Variants in PRR16 observed in about 807,000 individuals in gnomAD.
The protein encoded by PRR16 is proline rich 16, also known as protein Largen.
In PRR16, 6 loss-of-function variants were observed where a neutral mutation model predicts 18.2. The ratio of observed to expected loss-of-function variants is 0.33; its 90% CI spans 0.18 to 0.65. The LOEUF (loss-of-function observed/expected upper bound fraction) is 0.65. Ranked by LOEUF, PRR16 falls within the 30% of genes least tolerant of loss-of-function variation. The pLI is 0.74. For synonymous variants in PRR16, 151 were observed against 147.8 expected, an observed-to-expected ratio of 1.02 and a Z score of -0.16; for missense variants, 412 against 376.6, an observed-to-expected ratio of 1.09 and a Z score of -0.78.
chr5:120,502,061 A>G, intron 1 of PRR16, among the ~76,000 whole-genome samples: 1 of 151,302 alleles, frequency 6.6e-6, no homozygotes, highest in Non-Finnish European at 1.5e-5. Flanking sequence ...TACGTTAATA[A>G]AAGTGTGAAT....
chr5:120,756,325 AG>A, the PRR16 span, among the ~76,000 whole-genome samples: 71 of 152,192 alleles, frequency 4.7e-4, no homozygotes, highest in Non-Finnish European at 5.1e-4. Context: ...ATTTAGTTGT[AG>A]GAAGTTGGTG....
intron 1 of PRR16, among the ~76,000 whole-genome samples, chr5:120,670,699 A>T (rs915693571): frequency 2.0e-5 from 3 of 152,102 alleles, no homozygotes; most frequent in Admixed American, 1.3e-4. Flanking sequence ...AACCAAGGAT[A>T]ATGTCCCCAT....
chr5:120,665,756 T>C (rs1756351983), intron 1 of PRR16, among the ~76,000 whole-genome samples: 1 of 152,194 alleles, frequency 6.6e-6, no homozygotes, highest in African/African-American at 2.4e-5. Context: ...TTGTCAAAGA[T>C]CAGATAGTTG....
At chr5:120,648,546 C>T (rs1469708983) in intron 1 of PRR16, among the ~76,000 whole-genome samples, 1 of 152,004 alleles carries the variant, frequency 6.6e-6, no homozygotes, top group Non-Finnish European at 1.5e-5. Context: ...TTCTATTTTT[C>T]TTTCAAGAGA....
At chr5:120,531,152 G>A (rs1751537841) in intron 1 of PRR16, among the ~76,000 whole-genome samples, 1 of 152,132 alleles carries the variant, frequency 6.6e-6, no homozygotes, top group South Asian at 2.1e-4. Context: ...CAAGTTGTCT[G>A]TTCCCATGCA....
At chr5:120,752,139 A>G in the PRR16 span, among the ~76,000 whole-genome samples, 1 of 152,228 alleles carries the variant, frequency 6.6e-6, no homozygotes, top group Admixed American at 6.5e-5. Context: ...TTGTTACTAT[A>G]GGAAGACTTG....
At chr5:120,481,819 A>G (rs957129920) in intron 1 of PRR16, among the ~76,000 whole-genome samples, 2 of 152,150 alleles carry the variant, frequency 1.3e-5, no homozygotes, top group Admixed American at 6.6e-5. Context: ...TTTGTTTCAA[A>G]ACAAATTTTG....
the PRR16 span, among the ~76,000 whole-genome samples, chr5:120,762,717 C>G: frequency 1.3e-5 from 2 of 151,238 alleles, no homozygotes; most frequent in South Asian, 4.2e-4. Context: ...CAAGTATTTT[C>G]TCCCACTCAA....
chr5:120,491,657 C>A (rs1437319875), intron 1 of PRR16, among the ~76,000 whole-genome samples: 1 of 152,072 alleles, frequency 6.6e-6, no homozygotes, highest in Non-Finnish European at 1.5e-5. Flanking sequence ...GATTCTCCTG[C>A]CTCATACTCC....
intron 1 of PRR16, among the ~76,000 whole-genome samples, chr5:120,560,799 T>G (rs2112716699): frequency 6.6e-6 from 1 of 152,246 alleles, no homozygotes; most frequent in Non-Finnish European, 1.5e-5. Flanking sequence ...GGCTTTGATC[T>G]CATTACTTGT....
the PRR16 span, among the ~76,000 whole-genome samples, chr5:120,756,616 T>C: frequency 6.6e-6 from 1 of 152,046 alleles, no homozygotes; most frequent in South Asian, 2.1e-4. Context: ...TGTTCATGTC[T>C]TTTGCCCATT....
chr5:120,733,324 A>T, the PRR16 span, among the ~76,000 whole-genome samples: 1 of 151,826 alleles, frequency 6.6e-6, no homozygotes, highest in African/African-American at 2.4e-5. Flanking sequence ...TAAGTTTAAA[A>T]TTTTTTAAAG....
chr5:120,637,231 C>A (rs1755257638), intron 1 of PRR16, among the ~76,000 whole-genome samples: 1 of 142,740 alleles, frequency 7.0e-6, no homozygotes, highest in Non-Finnish European at 1.5e-5. Flanking sequence ...TGTGAAGATT[C>A]CTTAAAGTAC....
At chr5:120,543,105 G>A (rs1419955558) in intron 1 of PRR16, among the ~76,000 whole-genome samples, 4 of 151,960 alleles carry the variant, frequency 2.6e-5, no homozygotes, top group Non-Finnish European at 5.9e-5. Flanking sequence ...TAAATCCATA[G>A]GCTGAAATAT....
At chr5:120,656,893 T>G (rs1755998049) in intron 1 of PRR16, among the ~76,000 whole-genome samples, 1 of 151,978 alleles carries the variant, frequency 6.6e-6, no homozygotes, top group Admixed American at 6.6e-5. Flanking sequence ...GAAGAAAACA[T>G]ATCCAAATGA....
At chr5:120,510,715 A>C (rs1399318461) in intron 1 of PRR16, among the ~76,000 whole-genome samples, 3 of 152,196 alleles carry the variant, frequency 2.0e-5, no homozygotes, top group African/African-American at 7.2e-5. Context: ...AGATTGGAAT[A>C]TCTACAGGAT....
At chr5:120,506,806 G>A (rs1202441547) in intron 1 of PRR16, among the ~76,000 whole-genome samples, 2 of 152,002 alleles carry the variant, frequency 1.3e-5, no homozygotes, top group African/African-American at 4.8e-5. Context: ...AAAAGGCAGA[G>A]GAGGAAAAGA....
At chr5:120,779,267 G>A in the PRR16 span, among the ~76,000 whole-genome samples, 31 of 152,254 alleles carry the variant, frequency 2.0e-4, no homozygotes, top group African/African-American at 7.5e-4. Context: ...AGGAGGAGCA[G>A]GAAAACAGGG....
At chr5:120,659,754 G>A (rs769496520) in intron 1 of PRR16, among the ~76,000 whole-genome samples, 2 of 151,882 alleles carry the variant, frequency 1.3e-5, no homozygotes, top group African/African-American at 2.4e-5. Context: ...CGGCAGCTTG[G>A]CTAAGTTGAC....
Sources: gnomAD v4.1 joint callset for allele counts (sites outside exome capture counted in the v4.1 genomes callset) on GRCh38, gnomAD v4.1.1 for gene constraint, MANE v1.5 for transcripts, NCBI Gene and HGNC (gene_info 2026-07-23, HGNC 2026-07-21) for gene names.